Variants in STARD13 observed in about 807,000 individuals in gnomAD.
STARD13 encodes StAR related lipid transfer domain containing 13.
STARD13 carries 62 observed loss-of-function variants against 106.4 expected under a neutral mutation model. That is an observed-to-expected ratio of 0.58 (90% CI 0.48 to 0.72). STARD13 has a LOEUF of 0.72. Among genes scored for constraint, STARD13 ranks in the 30% least tolerant of loss-of-function variants. The pLI, the probability that STARD13 is intolerant of heterozygous loss-of-function variation, is 0.00. For synonymous variants in STARD13, 565 were observed against 553.0 expected, an observed-to-expected ratio of 1.02 and a Z score of -0.31; for missense variants, 1,387 against 1,424.0, an observed-to-expected ratio of 0.97 and a Z score of 0.42.
the STARD13 span, among the ~76,000 whole-genome samples, chr13:33,645,117 C>T: frequency 6.6e-6 from 1 of 152,138 alleles, no homozygotes; most frequent in Non-Finnish European, 1.5e-5. Context: ...TTCCCCTTGA[C>T]CCTTGGCTGG....
chr13:33,561,699 T>C, the STARD13 span, among the ~76,000 whole-genome samples: 2 of 146,986 alleles, frequency 1.4e-5, 1 homozygote, highest in Non-Finnish European at 3.0e-5. Flanking sequence ...TGTAAAGGTA[T>C]TGCTAATCCC....
chr13:33,548,818 TG>T, the STARD13 span, among the ~76,000 whole-genome samples: 2 of 152,152 alleles, frequency 1.3e-5, no homozygotes, highest in Non-Finnish European at 2.9e-5. Context: ...TAAAAATAAT[TG>T]TATTTATTTT....
chr13:33,331,346 G>A (rs934924840), intron 1 of STARD13, among the ~76,000 whole-genome samples: 1 of 92,016 alleles, frequency 1.1e-5, no homozygotes, highest in African/African-American at 3.0e-5. Context: ...CTTCATTCTT[G>A]TTTTCTTGTT....
the STARD13 span, among the ~76,000 whole-genome samples, chr13:33,515,028 AT>A: frequency 6.6e-6 from 1 of 152,240 alleles, no homozygotes; most frequent in South Asian, 2.1e-4. Context: ...ACTTACAAAG[AT>A]GTAGAAGAGG....
At chr13:33,377,151 TG>T in the STARD13 span, among the ~76,000 whole-genome samples, 4 of 152,216 alleles carry the variant, frequency 2.6e-5, no homozygotes, top group Non-Finnish European at 4.4e-5. Flanking sequence ...CCTAGAGGCT[TG>T]GAACAAAATT....
chr13:33,542,514 A>C, the STARD13 span, among the ~76,000 whole-genome samples: 1 of 152,198 alleles, frequency 6.6e-6, no homozygotes, highest in Non-Finnish European at 1.5e-5. Context: ...GCACACGCAG[A>C]CCGCGCCTAC....
At chr13:33,539,759 A>G in the STARD13 span, among the ~76,000 whole-genome samples, 1 of 152,360 alleles carries the variant, frequency 6.6e-6, no homozygotes, top group East Asian at 1.9e-4. Context: ...GAATCTCAGA[A>G]ATGAGAGGAT....
At chr13:33,169,007 ACT>A in intron 1 of STARD13, among the ~76,000 whole-genome samples, 1 of 151,962 alleles carries the variant, frequency 6.6e-6, no homozygotes, top group East Asian at 1.9e-4. Flanking sequence ...CCCCTAATCT[ACT>A]GTTACTCCAG....
chr13:33,371,967 G>A, the STARD13 span, among the ~76,000 whole-genome samples: 3 of 152,040 alleles, frequency 2.0e-5, no homozygotes, highest in East Asian at 1.9e-4. Context: ...CCACATTTTC[G>A]ACTTACCAAG....
the STARD13 span, among the ~76,000 whole-genome samples, chr13:33,552,880 G>GT: frequency 2.0e-5 from 3 of 151,890 alleles, no homozygotes; most frequent in South Asian, 6.2e-4. Context: ...TCATTCTAAA[G>GT]TTTATCTGGA....
chr13:33,167,015 C>CA (rs1010175989), intron 2 of STARD13, among the ~76,000 whole-genome samples: 11 of 139,248 alleles, frequency 7.9e-5, no homozygotes, highest in South Asian at 2.3e-4. Flanking sequence ...AAAAAAAAAC[C>CA]AAAAAAAAAT....
intron 1 of STARD13, among the ~76,000 whole-genome samples, chr13:33,209,538 T>A (rs1887603879): frequency 6.6e-6 from 1 of 151,782 alleles, no homozygotes. Context: ...GCAGTGAAAG[T>A]TCATAAACTG....
chr13:33,661,282 A>T, the STARD13 span: 1 of 152,186 alleles, frequency 6.6e-6, no homozygotes, highest in Non-Finnish European at 1.5e-5. Flanking sequence ...CTTGCCTTTC[A>T]CTGCGGTTCT....
At chr13:33,299,102 C>A (rs73468192) in intron 1 of STARD13, among the ~76,000 whole-genome samples, 66 of 152,314 alleles carry the variant, frequency 4.3e-4, no homozygotes, top group African/African-American at 1.5e-3. Flanking sequence ...TTACAATTGC[C>A]TGCAGAATTC....
At chr13:33,381,873 G>A in the STARD13 span, among the ~76,000 whole-genome samples, 1 of 151,976 alleles carries the variant, frequency 6.6e-6, no homozygotes, top group East Asian at 1.9e-4. Context: ...TTCATTCCTC[G>A]ATATGGTTTT....
At chr13:33,442,014 G>T in the STARD13 span, among the ~76,000 whole-genome samples, 1 of 152,160 alleles carries the variant, frequency 6.6e-6, no homozygotes, top group Non-Finnish European at 1.5e-5. Context: ...TAATATCAGT[G>T]GTTCTGACTT....
intron 1 of STARD13, among the ~76,000 whole-genome samples, chr13:33,309,579 C>A (rs139051884): frequency 1.3e-5 from 2 of 152,130 alleles, no homozygotes; most frequent in Non-Finnish European, 2.9e-5. Context: ...AGAGAACAGC[C>A]GTATTCAACT....
chr13:33,434,628 C>G, the STARD13 span, among the ~76,000 whole-genome samples: 3 of 152,138 alleles, frequency 2.0e-5, no homozygotes, highest in East Asian at 1.9e-4. Flanking sequence ...TGGAATTACT[C>G]TCTTCAAACT....
chr13:33,526,569 G>A, the STARD13 span, among the ~76,000 whole-genome samples: 1 of 152,042 alleles, frequency 6.6e-6, no homozygotes, highest in African/African-American at 2.4e-5. Flanking sequence ...GAGTAGTTAG[G>A]AATGCCAGCT....
Sources: gnomAD v4.1 joint callset for allele counts (sites outside exome capture counted in the v4.1 genomes callset) on GRCh38, gnomAD v4.1.1 for gene constraint, MANE v1.5 for transcripts, NCBI Gene and HGNC (gene_info 2026-07-23, HGNC 2026-07-21) for gene names.